The following OIT3 variants were observed in gnomAD, a reference collection of about 807,000 sequenced individuals.
OIT3 encodes the protein oncoprotein induced transcript 3, also known as oncoprotein-induced transcript 3 protein.
A neutral mutation model predicts 52.2 loss-of-function variants in OIT3; 41 were observed. The ratio of observed to expected loss-of-function variants is 0.79; its 90% CI spans 0.61 to 1.02. The LOEUF (loss-of-function observed/expected upper bound fraction) is 1.02. OIT3 is among the 50% of genes least tolerant of loss of function. The pLI, the probability that OIT3 is intolerant of heterozygous loss-of-function variation, is 0.00. For missense variants in OIT3, 634 were observed against 715.5 expected (o/e 0.89, Z 1.30); for synonymous variants, 244 against 276.9 (o/e 0.88, Z 1.18).
At chr10:72,923,396 G>T (rs1158999144) in intron 6 of OIT3, among the ~76,000 whole-genome samples, 2 of 152,134 alleles carry the variant, frequency 1.3e-5, no homozygotes, top group African/African-American at 4.8e-5. Context: ...GTAGATGGTG[G>T]TTGGAGACCC....
chr10:72,932,512 C>CT lies in OIT3; in HGVS notation c.1627dup (p.Trp543LeufsTer42). On this transcript the variant is annotated frameshift_variant, in exon 9 of 9. Transcript: ENST00000334011. LOFTEE classifies it high-confidence loss of function. ...TAACAGGCGGCCCGATCCGCATCGA[C>CT]TGGGAGGACTAGTTCGTAGCCATAC... 1.6e-5 allele frequency: 25 copies of CT among 1,604,844 alleles called. No individual in the cohort carries two copies. Among genetic ancestry groups the CT allele is most frequent in the Non-Finnish European group, 2.1e-5 (25 of 1,175,304 alleles).
rs770734945 is a variant in OIT3, at chr10:72,911,701, T to A, written c.668-16T>A. On this transcript the variant is annotated splice_polypyrimidine_tract_variant and intron_variant, in intron 4 of 8. Coordinates refer to ENST00000334011, the MANE Select transcript of OIT3 (RefSeq NM_152635.3). ...GGTTACGAGATTATTCCCTTTTCTGTTGGTTTCTACTGCAGACGTTGAAGG... is the reference window on the plus strand; with the variant it reads ...GGTTACGAGATTATTCCCTTTTCTGATGGTTTCTACTGCAGACGTTGAAGG... The A allele has an allele frequency of 6.2e-7, 1 of 1,610,360 alleles. No individual in the cohort carries two copies. The highest frequency in any genetic ancestry group is 1.1e-5 in the South Asian group (1 of 90,564).
rs1845899040 is a variant in OIT3, at chr10:72,898,738, CA to C, written c.138del (p.Gly47ValfsTer9). 1 of 1,613,932 alleles carries C rather than the reference CA, an allele frequency of 6.2e-7. No homozygotes were observed. ...CACTGACCACCAGTTGGATGAGTCT[CA>C]AGGTCCTCCTCTATGTGACAACCAT... ...RNTDHQLDES[Q>X]GPPLCDNHVN... On this transcript the variant is annotated frameshift_variant, in exon 2 of 9. Coordinates refer to ENST00000334011, the MANE Select transcript of OIT3 (RefSeq NM_152635.3). LOFTEE classifies it high-confidence loss of function.
At chr10:72,911,868 C>A in intron 5 of OIT3, 29 bp downstream of exon 5, 1 of 1,594,160 alleles carries the variant, frequency 6.3e-7, no homozygotes, top group Non-Finnish European at 8.5e-7. Flanking sequence ...GGACTTGTCT[C>A]TACTCTGATT....
At chr10:72,899,522 G>A (rs1031910269) in intron 2 of OIT3, among the ~76,000 whole-genome samples, 2 of 151,706 alleles carry the variant, frequency 1.3e-5, no homozygotes, top group African/African-American at 4.8e-5. Context: ...TTGAACCCGG[G>A]AGGTGGACGT....
chr10:72,912,490 C>T (rs926008829), intron 5 of OIT3, among the ~76,000 whole-genome samples: 4 of 151,920 alleles, frequency 2.6e-5, no homozygotes, highest in Non-Finnish European at 4.4e-5. Context: ...AGGCTGGTCT[C>T]GAACTCCTGA....
At chr10:72,931,165 G>A (rs1206175589) in intron 8 of OIT3, among the ~76,000 whole-genome samples, 1 of 152,138 alleles carries the variant, frequency 6.6e-6, no homozygotes, top group Non-Finnish European at 1.5e-5. Flanking sequence ...CTGGAACATT[G>A]TCTGATAATC....
intron 6 of OIT3, chr10:72,918,187 C>G (rs1846090380): frequency 1.9e-6 from 2 of 1,079,446 alleles, no homozygotes; most frequent in Non-Finnish European, 2.8e-6. Flanking sequence ...TCCACAGCTA[C>G]TAAGTGCTGT....
intron 7 of OIT3, among the ~76,000 whole-genome samples, chr10:72,929,118 C>T (rs1038410617): frequency 7.2e-5 from 11 of 152,060 alleles, no homozygotes; most frequent in African/African-American, 2.7e-4. Context: ...AGGAGAATTG[C>T]TTGAGTTTAG....
intron 8 of OIT3, among the ~76,000 whole-genome samples, chr10:72,931,347 TG>T (rs1283874805): frequency 2.0e-5 from 3 of 152,092 alleles, no homozygotes; most frequent in Non-Finnish European, 2.9e-5. Context: ...TAAAATTAGC[TG>T]GGCATAGTGG....
intron 6 of OIT3, among the ~76,000 whole-genome samples, chr10:72,919,178 C>A (rs1225143784): frequency 6.6e-6 from 1 of 151,980 alleles, no homozygotes; most frequent in African/African-American, 2.4e-5. Context: ...CTCTTGTTAG[C>A]TGTTTTCCTA....
At chr10:72,925,616 T>A (rs1846163371) in intron 7 of OIT3, among the ~76,000 whole-genome samples, 1 of 152,226 alleles carries the variant, frequency 6.6e-6, no homozygotes, top group African/African-American at 2.4e-5. Context: ...TTAGTTTTTT[T>A]CAGGGGTGGA....
Position 72,932,349 on chromosome 10 carries a change from T to C in OIT3, c.1468-5T>C. 1 of 1,614,040 alleles carries C rather than the reference T, an allele frequency of 6.2e-7. No individual in the cohort carries two copies. Among genetic ancestry groups the C allele is most frequent in the African/African-American group, 1.3e-5 (1 of 75,064 alleles). ...TTTTATTAACAGTCGTGATCATCTC[T>C]TCAGGAAGTGTTTCTGCACTGCCGG... On this transcript the variant is annotated splice_polypyrimidine_tract_variant and splice_region_variant and intron_variant, in intron 8 of 8. Transcript: ENST00000334011.
At position 72,930,639 on chromosome 10, in the gene OIT3, T is replaced by C. The variant is rs1846208285; in HGVS notation, c.1467+2T>C. 1 of 1,582,508 alleles carries C rather than the reference T, an allele frequency of 6.3e-7. No individual in the cohort carries two copies. Among genetic ancestry groups the C allele is most frequent in the Non-Finnish European group, 8.7e-7 (1 of 1,153,270 alleles). On this transcript the variant is annotated splice_donor_variant, in intron 8 of 8. Coordinates refer to ENST00000334011, the MANE Select transcript of OIT3 (RefSeq NM_152635.3). LOFTEE classifies it high-confidence loss of function. ...AAGTTTGTGGGCAAAGACCACAAGG[T>C]GAGTTGAACATCTTTAATTTATAAC... is the stretch of plus-strand genomic sequence containing the variant.
intron 4 of OIT3, among the ~76,000 whole-genome samples, chr10:72,910,648 A>C (rs1205130040): frequency 6.6e-6 from 1 of 152,252 alleles, no homozygotes; most frequent in East Asian, 1.9e-4. Context: ...AAAAACTATT[A>C]TTGAACTGAG....
At chr10:72,909,713 C>A (rs1007693965) in intron 4 of OIT3, among the ~76,000 whole-genome samples, 1 of 152,128 alleles carries the variant, frequency 6.6e-6, no homozygotes, top group Non-Finnish European at 1.5e-5. Context: ...TCTCCTGCCT[C>A]AACCTCCCCA....
chr10:72,920,756 T>C (rs1377709798), intron 6 of OIT3, among the ~76,000 whole-genome samples: 1 of 152,208 alleles, frequency 6.6e-6, no homozygotes, highest in Non-Finnish European at 1.5e-5. Context: ...AATTTCTTAG[T>C]CTTGAGTTCT....
In OIT3 at chr10:72,919,087, C is replaced by T. The variant is rs561639088; in HGVS notation, c.952-5142C>T. Among the ~76,000 whole-genome samples, 276 of 151,938 alleles carry T rather than the reference C, an allele frequency of 1.8e-3. 1 individual carries two copies. Among genetic ancestry groups the T allele is most frequent in the African/African-American group, 6.6e-3 (272 of 41,490 alleles). On this transcript the variant is annotated intron_variant, in intron 6 of 8. Coordinates refer to ENST00000334011, the MANE Select transcript of OIT3 (RefSeq NM_152635.3). Reference sequence around the variant, plus strand: ...GTCATTTTAATAATATTGATTCTTCCTATGTATTTCCATTTGTTTGTGTCA... The same window carrying T: ...GTCATTTTAATAATATTGATTCTTCTTATGTATTTCCATTTGTTTGTGTCA...
chr10:72,916,628 A>G (rs550951026), intron 6 of OIT3, among the ~76,000 whole-genome samples: 1 of 152,312 alleles, frequency 6.6e-6, no homozygotes, highest in South Asian at 2.1e-4. Flanking sequence ...GTGCTGCAGT[A>G]AACATACACG....
Sources: gnomAD v4.1 joint callset for allele counts (sites outside exome capture counted in the v4.1 genomes callset) on GRCh38, gnomAD v4.1.1 for gene constraint, MANE v1.5 for transcripts, NCBI Gene and HGNC (gene_info 2026-07-23, HGNC 2026-07-21) for gene names.